Variants in AASS observed in about 807,000 individuals in gnomAD.
AASS encodes the protein aminoadipate-semialdehyde synthase, also known as alpha-aminoadipic semialdehyde synthase, mitochondrial.
In AASS, 86 loss-of-function variants were observed where a neutral mutation model predicts 105.4. That is an observed-to-expected ratio of 0.82 (90% CI 0.69 to 0.98). The LOEUF is 0.98. Ranked by LOEUF, AASS falls within the 50% of genes least tolerant of loss-of-function variation. AASS has a pLI of 0.00. For synonymous variants in AASS, 381 were observed against 394.8 expected (o/e 0.96, Z 0.41); for missense variants, 1,048 against 1,143.2 (o/e 0.92, Z 1.20).
At chr7:122,136,933 CAG>C (rs1796166073) in intron 1 of AASS, among the ~76,000 whole-genome samples, 1 of 152,166 alleles carries the variant, frequency 6.6e-6, no homozygotes, top group South Asian at 2.1e-4. Flanking sequence ...GACACAAATA[CAG>C]ACAGTCACTT....
Position 122,083,464 on chromosome 7 carries a change from CAT to C in AASS, c.2185-1871_2185-1870del, listed in dbSNP as rs1364549601. Among the ~76,000 whole-genome samples, 3 of 152,064 alleles carry C rather than the reference CAT, an allele frequency of 2.0e-5. No individual in the cohort carries two copies. In the East Asian group the frequency reaches 5.8e-4, roughly 30 times the overall value. ...CAATAAGCATTTAGCAAACTGCTGC[CAT>C]ATGTCAGACTTGTGCTAGGGACTGA... On this transcript the variant is annotated intron_variant, in intron 19 of 23. Transcript: ENST00000417368.
At chr7:122,142,013 G>T (rs1366183196) in intron 1 of AASS, among the ~76,000 whole-genome samples, 1 of 152,140 alleles carries the variant, frequency 6.6e-6, no homozygotes, top group Non-Finnish European at 1.5e-5. Context: ...AATCAAGAAA[G>T]AGTGGACATT....
In AASS at chr7:122,114,903, T is replaced by A. The variant is rs41281707; in HGVS notation, c.1043+171A>T. Among the ~76,000 whole-genome samples, 6,655 of 148,404 alleles carry A rather than the reference T, an allele frequency of 0.045. 186 individuals carry two copies. The highest frequency in any genetic ancestry group is 0.08 in the African/African-American group (3,250 of 40,512). On this transcript the variant is annotated intron_variant, in intron 9 of 23. Coordinates refer to ENST00000417368, the MANE Select transcript of AASS (RefSeq NM_005763.4). Reference sequence around the variant, plus strand: ...AAGATAAATATATACAATAAAATTTTAAAAAAAAAAGGAGAGATGGTTAAC... The same window carrying A: ...AAGATAAATATATACAATAAAATTTAAAAAAAAAAAGGAGAGATGGTTAAC...
chr7:122,081,158 C>CGAAA (rs1481173761), intron 20 of AASS, among the ~76,000 whole-genome samples: 4 of 152,170 alleles, frequency 2.6e-5, no homozygotes, highest in African/African-American at 9.7e-5. Context: ...TGGATTCTCA[C>CGAAA]TTTCAGGAAG....
chr7:122,116,825 A>G, intron 7 of AASS, 54 bp downstream of exon 7: 1 of 1,610,852 alleles, frequency 6.2e-7, no homozygotes. Flanking sequence ...GTGATAAAAT[A>G]TTATAACATA....
intron 18 of AASS, among the ~76,000 whole-genome samples, chr7:122,089,440 T>C (rs2268075): frequency 0.085 from 12,929 of 152,210 alleles, 615 homozygotes; most frequent in East Asian, 0.15. Flanking sequence ...TATCCTCCAG[T>C]GTCAGAGAGA....
rs1171951445 is a variant in AASS at position 122,081,563 on chromosome 7, T to C, written c.2217A>G (p.Lys739=). The C allele has an allele frequency of 6.2e-7, 1 of 1,613,808 alleles. No individual in the cohort carries two copies. Among genetic ancestry groups the C allele is most frequent in the East Asian group, 2.2e-5 (1 of 44,878 alleles). Residue 739 remains lysine, a synonymous_variant, in exon 20 of 24, where the codon AAA becomes AAG. Transcript: ENST00000417368. ...GYMKALNGFV[K]LGLINREALP... ...GCGCTTCTCTGTTTATAAGACCTAA[T>C]TTTACAAATCCATTCAAAGCTTTCA...
intron 2 of AASS, among the ~76,000 whole-genome samples, chr7:122,132,650 A>ATCACTTATG (rs1228859801): frequency 1.3e-5 from 2 of 152,200 alleles, no homozygotes; most frequent in Non-Finnish European, 2.9e-5. Context: ...AAGAACATAT[A>ATCACTTATG]TCACTTATGT....
At chr7:122,079,328 C>T in intron 21 of AASS, 1 of 1,361,606 alleles carries the variant, frequency 7.3e-7, no homozygotes, top group South Asian at 1.5e-5. Context: ...TCCAAATCTC[C>T]TACAGGAAAG....
At chr7:122,103,936 A>G (rs1212192437) in intron 11 of AASS, among the ~76,000 whole-genome samples, 22 of 152,134 alleles carry the variant, frequency 1.4e-4, no homozygotes, top group Admixed American at 1.4e-3. Flanking sequence ...TGTGGTAACC[A>G]CAAAGCAGAA....
chr7:122,142,811 T>A (rs2150561909), intron 1 of AASS, among the ~76,000 whole-genome samples: 1 of 152,346 alleles, frequency 6.6e-6, no homozygotes, highest in Admixed American at 6.5e-5. Context: ...AAATGGTGGC[T>A]TCTTAAACAC....
chr7:122,095,527 A>G lies in AASS; in HGVS notation c.1656-2369T>C, dbSNP rs538872447. ...AAACCAACAGAAACAATATTACACT[A>G]TATCATTGTACTTGTCAAATTCATT... On this transcript the variant is annotated intron_variant, in intron 15 of 23. Transcript: ENST00000417368. Among the ~76,000 whole-genome samples the G allele has an allele frequency of 2.0e-5, 3 of 151,838 alleles. No homozygotes were observed. The South Asian group carries it at 6.2e-4, about 32-fold the overall frequency.
At chr7:122,115,360 T>A in intron 8 of AASS, 138 bp from the exon 9 acceptor site, 1 of 1,176,462 alleles carries the variant, frequency 8.5e-7, no homozygotes. Flanking sequence ...TCCATGTCAG[T>A]GTCCATCTTT....
In AASS at chr7:122,075,011, A is replaced by G. The variant is rs1184585526; in HGVS notation, c.*1478T>C. Among the ~76,000 whole-genome samples the G allele has an allele frequency of 6.6e-6, 1 of 152,116 alleles. No homozygotes were observed. The highest frequency in any genetic ancestry group is 1.9e-4 in the East Asian group (1 of 5,184). ...GTAGCTGAGACGACAGATGAGTGTC[A>G]TCACATCCAGCTGTTTTTTGTTTGC... On this transcript the variant is annotated 3_prime_UTR_variant, in exon 24 of 24. Coordinates refer to ENST00000417368, the MANE Select transcript of AASS (RefSeq NM_005763.4).
chr7:122,101,354 AT>A lies in AASS; in HGVS notation c.1406+16del. 6.3e-7 allele frequency: 1 copy of A among 1,580,786 alleles called. No homozygotes were observed. Among genetic ancestry groups the A allele is most frequent in the Non-Finnish European group, 8.7e-7 (1 of 1,150,468 alleles). On this transcript the variant is annotated intron_variant, in intron 13 of 23. Coordinates refer to ENST00000417368, the MANE Select transcript of AASS (RefSeq NM_005763.4). Reference sequence around the variant, plus strand: ...AAGAATAAATGTATAAAACAAGAGGATTTGAACAATACTTACCTGCTCTCCC... The same window carrying A: ...AAGAATAAATGTATAAAACAAGAGGATTGAACAATACTTACCTGCTCTCCC...
chr7:122,098,796 C>T lies in AASS; in HGVS notation c.1477G>A (p.Glu493Lys), dbSNP rs1461500967. The part of the protein sequence containing the change: ...VLVLGSGYIS[E>K]PVLEYLSRDG... Reference sequence around the variant, plus strand: ...CTTGATAAATATTCTAATACAGGCTCAGATATGTAGCCAGATCCAAGAACC... The same window carrying T: ...CTTGATAAATATTCTAATACAGGCTTAGATATGTAGCCAGATCCAAGAACC... Residue 493 changes from glutamate to lysine, a missense_variant, in exon 14 of 24, where the codon GAG becomes AAG. Transcript: ENST00000417368. 2 of 1,599,614 alleles carry T rather than the reference C, an allele frequency of 1.3e-6. No individual in the cohort carries two copies. Among genetic ancestry groups the T allele is most frequent in the South Asian group, 1.1e-5 (1 of 90,198 alleles).
chr7:122,089,088 C>G (rs1302449632), intron 18 of AASS, among the ~76,000 whole-genome samples: 1 of 151,910 alleles, frequency 6.6e-6, no homozygotes, highest in African/African-American at 2.4e-5. Flanking sequence ...GACTTGGTTT[C>G]CCATTATGAT....
Position 122,098,496 on chromosome 7 carries a change from C to T in AASS, c.1609G>A (p.Glu537Lys), listed in dbSNP as rs1326486405. The stretch of plus-strand genomic sequence containing the variant: ...GCCACCAAGAAGCCCAGCTTCTCTT[C>T]TTGTTTACAAATGTCCATGCTAACA... ...NPVSMDICKQ[E>K]EKLGFLVAKQ... Residue 537 changes from glutamate to lysine, a missense_variant, in exon 15 of 24, where the codon GAA (glutamate) becomes AAA (lysine). Glu to Lys is a moderately conservative substitution (Grantham distance 56). Transcript: ENST00000417368. 1 of 1,612,104 alleles carries T rather than the reference C, an allele frequency of 6.2e-7. No individual in the cohort carries two copies. Among genetic ancestry groups the T allele is most frequent in the Non-Finnish European group, 8.5e-7 (1 of 1,178,738 alleles).
chr7:122,082,159 G>GTGTACAC (rs1793365931), intron 19 of AASS, among the ~76,000 whole-genome samples: 1 of 152,074 alleles, frequency 6.6e-6, no homozygotes, highest in Non-Finnish European at 1.5e-5. Flanking sequence ...ATTTTTCTAA[G>GTGTACAC]ATATGATGAT....
Sources: gnomAD v4.1 joint callset for allele counts (sites outside exome capture counted in the v4.1 genomes callset) on GRCh38, gnomAD v4.1.1 for gene constraint, MANE v1.5 for transcripts, NCBI Gene and HGNC (gene_info 2026-07-23, HGNC 2026-07-21) for gene names.